The following PALM2AKAP2 variants were observed in gnomAD, a reference collection of about 807,000 sequenced individuals.
The protein encoded by PALM2AKAP2 is PALM2-AKAP2 fusion protein.
In PALM2AKAP2, 37 loss-of-function variants were observed where a neutral mutation model predicts 71.5. The ratio of observed to expected loss-of-function variants is 0.52; its 90% CI spans 0.40 to 0.68. The LOEUF (loss-of-function observed/expected upper bound fraction) is 0.68. Ranked by LOEUF, PALM2AKAP2 falls within the 30% of genes least tolerant of loss-of-function variation. The probability of loss-of-function intolerance (pLI) is 0.00; values close to 1 mark genes in which losing one functional copy is unlikely to be tolerated. For synonymous variants in PALM2AKAP2, 468 were observed against 478.8 expected, an observed-to-expected ratio of 0.98 and a Z score of 0.29; for missense variants, 1,224 against 1,191.8, an observed-to-expected ratio of 1.03 and a Z score of -0.40.
At chr9:109,968,238 T>A (rs1301571686) in intron 6 of PALM2AKAP2, among the ~76,000 whole-genome samples, 1 of 152,242 alleles carries the variant, frequency 6.6e-6, no homozygotes, top group Admixed American at 6.5e-5. Context: ...CCTGGGGGTC[T>A]GGCCTGCCTG....
chr9:109,931,837 A>T, intron 5 of PALM2AKAP2, 90 bp from the exon 6 acceptor site: 2 of 1,435,188 alleles, frequency 1.4e-6, no homozygotes, highest in South Asian at 1.2e-5. Context: ...GCGGTCCATT[A>T]TGTAGGGCAG....
chr9:109,916,839 C>A (rs1045044506), intron 3 of PALM2AKAP2, among the ~76,000 whole-genome samples: 3 of 152,214 alleles, frequency 2.0e-5, no homozygotes, highest in African/African-American at 7.2e-5. Flanking sequence ...CTCAGACATA[C>A]TATTGCCCCT....
intron 1 of PALM2AKAP2, among the ~76,000 whole-genome samples, chr9:110,130,527 A>T (rs750180071): frequency 2.6e-5 from 4 of 152,256 alleles, no homozygotes; most frequent in Admixed American, 6.5e-5. Context: ...GTTATGTTAA[A>T]CACAGGTCTC....
upstream of PALM2AKAP2, among the ~76,000 whole-genome samples, chr9:109,778,639 T>A (rs77121741): frequency 5.0e-3 from 756 of 152,318 alleles, 9 homozygotes; most frequent in African/African-American, 0.017. Flanking sequence ...TGGTGAGTGC[T>A]TCCATCTTTG....
At chr9:110,017,625 A>C (rs1490992763) in intron 7 of PALM2AKAP2, among the ~76,000 whole-genome samples, 1 of 152,162 alleles carries the variant, frequency 6.6e-6, no homozygotes, top group Non-Finnish European at 1.5e-5. Context: ...TGCTAGTGGG[A>C]GAGAAGACAG....
At chr9:109,788,995 A>G (rs1827037424) in intron 1 of PALM2AKAP2, among the ~76,000 whole-genome samples, 1 of 152,174 alleles carries the variant, frequency 6.6e-6, no homozygotes, top group South Asian at 2.1e-4. Context: ...TTATCTCGGG[A>G]ACTTGCTTTA....
chr9:109,863,263 A>G (rs1829363042), intron 1 of PALM2AKAP2, among the ~76,000 whole-genome samples: 1 of 152,202 alleles, frequency 6.6e-6, no homozygotes, highest in Admixed American at 6.5e-5. Flanking sequence ...GGTTAAGGCA[A>G]TACTCAAGGT....
At chr9:109,736,311 G>A (rs1828635075) in intron 1 of PALM2AKAP2, among the ~76,000 whole-genome samples, 1 of 152,180 alleles carries the variant, frequency 6.6e-6, no homozygotes, top group Admixed American at 6.5e-5. Context: ...CAATGAACAT[G>A]AGAGAAATTG....
At chr9:109,788,115 G>A (rs1230317314) in intron 1 of PALM2AKAP2, among the ~76,000 whole-genome samples, 3 of 152,196 alleles carry the variant, frequency 2.0e-5, no homozygotes, top group Non-Finnish European at 4.4e-5. Flanking sequence ...CTCACATCTA[G>A]ATAGGTAATT....
At chr9:109,963,651 T>C (rs577497926) in intron 6 of PALM2AKAP2, among the ~76,000 whole-genome samples, 75 of 152,208 alleles carry the variant, frequency 4.9e-4, no homozygotes, top group African/African-American at 1.8e-3. Context: ...TTCTAAGGGG[T>C]GAGGAGTCTT....
chr9:110,142,063 T>C (rs1396711018), intron 2 of PALM2AKAP2, among the ~76,000 whole-genome samples: 1 of 150,530 alleles, frequency 6.6e-6, no homozygotes, highest in Non-Finnish European at 1.5e-5. Context: ...TTGGTTCTTA[T>C]TTTACTTTTT....
At chr9:109,861,996 T>G (rs187806919) in intron 1 of PALM2AKAP2, among the ~76,000 whole-genome samples, 7 of 152,210 alleles carry the variant, frequency 4.6e-5, no homozygotes, top group Non-Finnish European at 7.3e-5. Context: ...GTATTCATCA[T>G]ACAATATTCT....
At chr9:110,096,784 G>A (rs1426623659) in intron 1 of PALM2AKAP2, among the ~76,000 whole-genome samples, 1 of 151,654 alleles carries the variant, frequency 6.6e-6, no homozygotes, top group Non-Finnish European at 1.5e-5. Context: ...ACTTTTTGTG[G>A]GGGGTTGGGG....
intron 1 of PALM2AKAP2, chr9:110,048,988 C>A: frequency 8.4e-7 from 1 of 1,196,832 alleles, no homozygotes; most frequent in Non-Finnish European, 1.1e-6. Flanking sequence ...TTTTAAAGGG[C>A]TTTTTGTGGT....
At chr9:110,082,941 A>T (rs1378308052) in intron 1 of PALM2AKAP2, among the ~76,000 whole-genome samples, 1 of 152,168 alleles carries the variant, frequency 6.6e-6, no homozygotes, top group Non-Finnish European at 1.5e-5. Flanking sequence ...CGGGAGTTCG[A>T]GATCACCCTG....
intron 1 of PALM2AKAP2, among the ~76,000 whole-genome samples, chr9:110,077,005 A>G (rs540323398): frequency 1.7e-4 from 26 of 152,298 alleles, no homozygotes; most frequent in African/African-American, 6.3e-4. Context: ...CGTTTGTCTC[A>G]AACAATTCCA....
chr9:109,883,900 A>C (rs913119307), intron 3 of PALM2AKAP2, among the ~76,000 whole-genome samples: 7 of 152,132 alleles, frequency 4.6e-5, no homozygotes, highest in Non-Finnish European at 8.8e-5. Context: ...TCTTTCTGGC[A>C]ATGGGAGAGG....
intron 1 of PALM2AKAP2, among the ~76,000 whole-genome samples, chr9:110,100,197 G>A (rs1256921493): frequency 1.3e-5 from 2 of 151,584 alleles, no homozygotes; most frequent in South Asian, 2.1e-4. Flanking sequence ...CTTAACCCAA[G>A]CAAAGGTTTA....
chr9:110,146,458 A>G (rs529054655), intron 2 of PALM2AKAP2, among the ~76,000 whole-genome samples: 5 of 152,222 alleles, frequency 3.3e-5, no homozygotes, highest in African/African-American at 9.6e-5. Context: ...TGGCCTCTCC[A>G]TGCTGCAAGT....
Sources: gnomAD v4.1 joint callset for allele counts (sites outside exome capture counted in the v4.1 genomes callset) on GRCh38, gnomAD v4.1.1 for gene constraint, MANE v1.5 for transcripts, NCBI Gene and HGNC (gene_info 2026-07-23, HGNC 2026-07-21) for gene names.